Variants in NTF3 observed in about 807,000 individuals in gnomAD.
The protein encoded by NTF3 is neurotrophin 3, also known as neurotrophin-3.
Under a neutral mutation model 26.3 loss-of-function variants are expected in NTF3, and 8 were observed. The observed-to-expected ratio is 0.30, with a 90% CI of 0.18 to 0.55. The LOEUF (loss-of-function observed/expected upper bound fraction) is 0.55. Among genes scored for constraint, NTF3 ranks in the 20% least tolerant of loss-of-function variants. NTF3 has a pLI of 0.93. For synonymous variants in NTF3, 154 were observed against 145.5 expected (o/e 1.06, Z -0.42); for missense variants, 276 against 352.9 (o/e 0.78, Z 1.75).
At chr12:5,486,237 C>T (rs1415760226) in intron 1 of NTF3, among the ~76,000 whole-genome samples, 1 of 152,190 alleles carries the variant, frequency 6.6e-6, no homozygotes, top group Admixed American at 6.5e-5. Context: ...TTGAGTTTAT[C>T]CCCGACTTGC....
chr12:5,495,115 C>T lies in NTF3; in HGVS notation c.*127C>T. On this transcript the variant is annotated 3_prime_UTR_variant, in exon 2 of 2. Coordinates refer to ENST00000423158, the MANE Select transcript of NTF3 (RefSeq NM_001102654.2). ...TATTTATTAAACTTCAGCAACCCTACAGTATATAAGCTTTTTTCTCAATAA... is the reference window on the plus strand; with the variant it reads ...TATTTATTAAACTTCAGCAACCCTATAGTATATAAGCTTTTTTCTCAATAA... The T allele has an allele frequency of 9.8e-7, 1 of 1,025,592 alleles. No homozygotes were observed. Among genetic ancestry groups the T allele is most frequent in the Non-Finnish European group, 1.4e-6 (1 of 705,546 alleles). 63.5% of individuals were successfully genotyped at this position (1,025,592 alleles called of 1,614,324 possible).
Position 5,432,219 on chromosome 12 carries a change from C to T in NTF3, c.-106C>T. On this transcript the variant is annotated 5_prime_UTR_variant, in exon 1 of 2. Coordinates refer to ENST00000423158, the MANE Select transcript of NTF3 (RefSeq NM_001102654.2). ...CTTTCTTTCTTCCTCTCCTTTTTCC[C>T]CTGCTGGGTAGTGGCTGCGGCGGGG... The T allele has an allele frequency of 7.9e-7, 1 of 1,273,230 alleles. No homozygotes were observed. Among genetic ancestry groups the T allele is most frequent in the South Asian group, 1.2e-5 (1 of 83,886 alleles). The allele number at this position is 1,273,230 out of a possible 1,614,324, so 78.9% of individuals were successfully genotyped here. A position where few individuals can be genotyped will look rare whatever the true frequency, so the allele number is the denominator to read the frequency against.
intron 1 of NTF3, among the ~76,000 whole-genome samples, chr12:5,486,263 A>G (rs1940864709): frequency 6.6e-6 from 1 of 152,212 alleles, no homozygotes. Flanking sequence ...TGGTTGATGC[A>G]CACAAAAAAG....
intron 1 of NTF3, among the ~76,000 whole-genome samples, chr12:5,462,892 A>G (rs1940541592): frequency 6.6e-6 from 1 of 152,200 alleles, no homozygotes; most frequent in African/African-American, 2.4e-5. Context: ...GAGCAGCTTC[A>G]CTGTGACTGA....
chr12:5,441,504 C>A (rs1200225125), intron 1 of NTF3, among the ~76,000 whole-genome samples: 4 of 152,164 alleles, frequency 2.6e-5, no homozygotes, highest in Non-Finnish European at 4.4e-5. Flanking sequence ...ACCTGGGAAG[C>A]CTCCCTGCAT....
intron 1 of NTF3, among the ~76,000 whole-genome samples, chr12:5,434,835 G>C (rs551956018): frequency 1.3e-5 from 2 of 152,034 alleles, no homozygotes; most frequent in African/African-American, 4.8e-5. Flanking sequence ...TGTGTGTGGG[G>C]GGTGGGGGAA....
chr12:5,445,037 T>C (rs1335526530), intron 1 of NTF3, among the ~76,000 whole-genome samples: 1 of 152,194 alleles, frequency 6.6e-6, no homozygotes, highest in Admixed American at 6.5e-5. Flanking sequence ...TGAAACTTTT[T>C]CCCTCTTCTA....
intron 1 of NTF3, among the ~76,000 whole-genome samples, chr12:5,471,034 G>T (rs1347103549): frequency 6.6e-6 from 1 of 151,486 alleles, no homozygotes; most frequent in Non-Finnish European, 1.5e-5. Flanking sequence ...CTGCATTACT[G>T]GTCTCCTCTC....
intron 1 of NTF3, among the ~76,000 whole-genome samples, chr12:5,489,676 T>C (rs572172646): frequency 6.6e-4 from 101 of 152,312 alleles, no homozygotes; most frequent in African/African-American, 2.4e-3. Flanking sequence ...AGGTACACGG[T>C]CAGGAGGTGC....
In NTF3 at chr12:5,433,771, G is replaced by T. The variant is rs1940131728; in HGVS notation, c.18+1429G>T. 6.6e-6 allele frequency among the ~76,000 whole-genome samples: 1 copy of T among 151,882 alleles called. No homozygotes were observed. Among genetic ancestry groups the T allele is most frequent in the African/African-American group, 2.4e-5 (1 of 41,348 alleles). ...CCGAATGGAGGTTGCTCCCGGGAGC[G>T]CCGGGCTCAGAGCTAGAGAGCTCGG... On this transcript the variant is annotated intron_variant, in intron 1 of 1. Transcript: ENST00000423158. The surrounding 1 kb of genome is among the most constrained non-coding windows in gnomAD (Gnocchi z 4.6).
chr12:5,458,048 C>T (rs189830329), intron 1 of NTF3, among the ~76,000 whole-genome samples: 4 of 152,296 alleles, frequency 2.6e-5, no homozygotes, highest in Non-Finnish European at 4.4e-5. Flanking sequence ...CTTATAATGG[C>T]TCTCCAGTGC....
chr12:5,492,274 A>G (rs1940947674), intron 1 of NTF3, among the ~76,000 whole-genome samples: 1 of 152,102 alleles, frequency 6.6e-6, no homozygotes, highest in Admixed American at 6.5e-5. Context: ...CTCACTAACC[A>G]TACTTGATTT....
rs1179994351 is a variant in NTF3 at position 5,455,569 on chromosome 12, CACACACACACACACAT to C, written c.18+23229_18+23244del. On this transcript the variant is annotated intron_variant, in intron 1 of 1. Coordinates refer to ENST00000423158, the MANE Select transcript of NTF3 (RefSeq NM_001102654.2). ...ACACACACACACACACACACACACA[CACACACACACACACAT>C]AGCCCCTGTGATTGAGGGGGCCCCA... Among the ~76,000 whole-genome samples the C allele has an allele frequency of 3.3e-3, 479 of 146,974 alleles. 13 individuals are homozygous for C. Among genetic ancestry groups the C allele is most frequent in the African/African-American group, 0.011 (429 of 39,026 alleles).
chr12:5,489,529 G>A (rs867499804), intron 1 of NTF3, among the ~76,000 whole-genome samples: 18 of 152,298 alleles, frequency 1.2e-4, no homozygotes, highest in Middle Eastern at 3.4e-3. Context: ...ATAATAGTAC[G>A]TACTTCAGGA....
chr12:5,449,437 A>C (rs1219728406), intron 1 of NTF3, among the ~76,000 whole-genome samples: 3 of 152,070 alleles, frequency 2.0e-5, no homozygotes, highest in African/African-American at 7.2e-5. Context: ...ACTGTGCTTC[A>C]TCTCTTGGGG....
At position 5,456,978 on chromosome 12, in the gene NTF3, C is replaced by G. The variant is rs1451287784; in HGVS notation, c.18+24636C>G. The stretch of plus-strand genomic sequence containing the variant: ...GGCCTCCCATCTCCACTGCCCGTCC[C>G]CAGGTCCACAGGCTCACAGAGCAGA... On this transcript the variant is annotated intron_variant, in intron 1 of 1. Transcript: ENST00000423158. The surrounding 1 kb of genome is among the most constrained non-coding windows in gnomAD (Gnocchi z 4.4). Among the ~76,000 whole-genome samples, 1 of 152,188 alleles carries G rather than the reference C, an allele frequency of 6.6e-6. No homozygotes were observed. Among genetic ancestry groups the G allele is most frequent in the Admixed American group, 6.5e-5 (1 of 15,274 alleles).
chr12:5,482,032 G>A (rs577965780), intron 1 of NTF3, among the ~76,000 whole-genome samples: 6 of 151,806 alleles, frequency 4.0e-5, no homozygotes, highest in Non-Finnish European at 5.9e-5. Flanking sequence ...AGACACACTC[G>A]CAGGCATACA....
chr12:5,443,266 C>A (rs1159787671), intron 1 of NTF3, among the ~76,000 whole-genome samples: 1 of 152,118 alleles, frequency 6.6e-6, no homozygotes, highest in Non-Finnish European at 1.5e-5. Context: ...TGTAAGGGCC[C>A]CCCCATCCCC....
chr12:5,451,149 G>A (rs1181451318), intron 1 of NTF3, among the ~76,000 whole-genome samples: 4 of 152,160 alleles, frequency 2.6e-5, no homozygotes, highest in Non-Finnish European at 5.9e-5. Context: ...GCTACCTCAA[G>A]TTTCTCATCT....
Sources: allele counts gnomAD v4.1 joint callset (sites outside exome capture counted in the v4.1 genomes callset), GRCh38; gene constraint gnomAD v4.1.1; non-coding constraint Gnocchi (gnomAD v3.1); transcripts MANE v1.5; gene names NCBI Gene and HGNC (gene_info 2026-07-23, HGNC 2026-07-21).